ANK3: variants seen among roughly 807,000 people sequenced by gnomAD.
ANK3 encodes ankyrin-3.
ANK3 carries 57 observed loss-of-function variants against 370.9 expected under a neutral mutation model. The ratio of observed to expected loss-of-function variants is 0.15; its 90% CI spans 0.12 to 0.19. ANK3 has a LOEUF of 0.19. ANK3 is among the 10% of genes least tolerant of loss of function. The pLI, the probability that ANK3 is intolerant of heterozygous loss-of-function variation, is 1.00. For missense variants in ANK3, 4,439 were observed against 5,302.1 expected (o/e 0.84, Z 5.06); for synonymous variants, 1,929 against 1,946.3 (o/e 0.99, Z 0.23).
intron 1 of ANK3, among the ~76,000 whole-genome samples, chr10:60,656,834 T>C (rs1032603634): frequency 6.6e-6 from 1 of 152,126 alleles, no homozygotes; most frequent in African/African-American, 2.4e-5. Context: ...CATAACTCAC[T>C]GCAGCCTTGA....
intron 8 of ANK3, among the ~76,000 whole-genome samples, chr10:60,214,533 C>A (rs935498722): frequency 6.6e-6 from 1 of 152,034 alleles, no homozygotes. Context: ...CCCAACAGGC[C>A]CTGGTGTGTG....
chr10:60,552,971 C>T (rs1251229424), intron 2 of ANK3, among the ~76,000 whole-genome samples: 1 of 152,210 alleles, frequency 6.6e-6, no homozygotes, highest in East Asian at 1.9e-4. Flanking sequence ...CTTGCTCCTC[C>T]TTGCCTTCCA....
At chr10:60,347,808 C>G (rs1025566504) in intron 1 of ANK3, among the ~76,000 whole-genome samples, 1 of 152,236 alleles carries the variant, frequency 6.6e-6, no homozygotes, top group African/African-American at 2.4e-5. Flanking sequence ...GGACTCACCC[C>G]CTGAGAATTT....
rs368607611 is a variant in ANK3, at chr10:60,068,920, A to C, written c.11961T>G (p.Ser3987Arg). The C allele has an allele frequency of 6.2e-7, 1 of 1,614,024 alleles. No homozygotes were observed. Among genetic ancestry groups the C allele is most frequent in the Admixed American group, 1.7e-5 (1 of 59,986 alleles). Reference sequence around the variant, plus strand: ...AATGTTTACATACTTCCTTGAGCTGACTTTTCCTAACTTTAACTGTGCAGC... The same window carrying C: ...AATGTTTACATACTTCCTTGAGCTGCCTTTTCCTAACTTTAACTGTGCAGC... ...TTSCTVKVRK[S>R]QLKEVCKHSI... is the part of the protein sequence containing the mutation. Residue 3987 changes from serine (S) to arginine (R), a missense_variant, in exon 37 of 44, where the codon AGT becomes AGG. Around this residue, in one of 13 missense-constraint regions of ANK3, gnomAD observed 496 missense variants for 529.3 expected, o/e 0.94. Transcript: ENST00000280772.
At chr10:60,614,897 G>A (rs997957891) in intron 2 of ANK3, among the ~76,000 whole-genome samples, 1 of 152,114 alleles carries the variant, frequency 6.6e-6, no homozygotes, top group African/African-American at 2.4e-5. Context: ...ATTAAATCAA[G>A]CCTCAAATGC....
Position 60,068,887 on chromosome 10 carries a change from T to G in ANK3, c.11994A>C (p.Glu3998Asp). 1 of 1,614,174 alleles carries G rather than the reference T, an allele frequency of 6.2e-7. No homozygotes were observed. The highest frequency in any genetic ancestry group is 8.5e-7 in the Non-Finnish European group (1 of 1,180,024). Residue 3998 changes from glutamate (E) to aspartate (D), a missense_variant, in exon 37 of 44, where the codon GAA becomes GAC. By Grantham distance (45) the Glu-to-Asp change is conservative (BLOSUM62 2). Around this residue, in one of 13 missense-constraint regions of ANK3, gnomAD observed 496 missense variants for 529.3 expected, o/e 0.94. Coordinates refer to ENST00000280772, the MANE Select transcript of ANK3 (RefSeq NM_020987.5). Reference sequence around the variant, plus strand: ...TCTCACCACTAATTCCCTTAAAATATTCAATGGAATGTTTACATACTTCCT... The same window carrying G: ...TCTCACCACTAATTCCCTTAAAATAGTCAATGGAATGTTTACATACTTCCT... The part of the protein sequence containing the change: ...QLKEVCKHSI[E>D]YFKGISGETL...
intron 1 of ANK3, among the ~76,000 whole-genome samples, chr10:60,328,639 A>G (rs920297680): frequency 2.6e-5 from 4 of 152,232 alleles, no homozygotes; most frequent in African/African-American, 7.2e-5. Flanking sequence ...AAATTGAGGC[A>G]GTAATTAATA....
intron 2 of ANK3, among the ~76,000 whole-genome samples, chr10:60,435,959 C>T (rs112028820): frequency 2.0e-5 from 3 of 152,104 alleles, no homozygotes; most frequent in African/African-American, 4.8e-5. Flanking sequence ...CAGTGGCAGG[C>T]GCCTGTAGTC....
At chr10:60,658,158 C>T (rs1418512004) in intron 1 of ANK3, among the ~76,000 whole-genome samples, 3 of 151,586 alleles carry the variant, frequency 2.0e-5, no homozygotes, top group African/African-American at 7.3e-5. Context: ...TGACAATCTG[C>T]CTTTTCATTG....
In ANK3 at chr10:60,064,208, T is replaced by C; in HGVS notation, c.12400A>G (p.Ser4134Gly). 1 of 1,581,446 alleles carries C rather than the reference T, an allele frequency of 6.3e-7. No individual in the cohort carries two copies. The highest frequency in any genetic ancestry group is 8.5e-7 in the Non-Finnish European group (1 of 1,171,242). Residue 4134 changes from serine (S) to glycine (G), a missense_variant, in exon 39 of 44, where the codon AGC (serine) becomes GGC (glycine). Coordinates refer to ENST00000280772, the MANE Select transcript of ANK3 (RefSeq NM_020987.5). ...ACCCATTTTTTTAATAACATGAAGC[T>C]CTGAGAAATTAAAGAATTTGGATTT... is the stretch of plus-strand genomic sequence containing the variant. ...VENPNSLISQ[S>G]FMLLKKWVTR...
intron 2 of ANK3, among the ~76,000 whole-genome samples, chr10:60,506,440 G>T (rs2075944074): frequency 6.6e-6 from 1 of 151,882 alleles, no homozygotes; most frequent in Non-Finnish European, 1.5e-5. Context: ...CAAAGTTTGG[G>T]GACTCAAAAA....
chr10:60,257,735 G>A (rs879763327), intron 7 of ANK3, among the ~76,000 whole-genome samples: 22 of 151,846 alleles, frequency 1.4e-4, no homozygotes, highest in African/African-American at 4.8e-4. Context: ...TTTTGGTTCC[G>A]CCCTTCACGT....
chr10:60,684,607 A>C, intron 1 of ANK3: 2 of 1,589,808 alleles, frequency 1.3e-6, no homozygotes, highest in Non-Finnish European at 1.7e-6. Flanking sequence ...TGGAAAGACA[A>C]CTGTCTTATA....
chr10:60,202,198 C>T (rs778861923), intron 12 of ANK3, among the ~76,000 whole-genome samples: 37 of 151,876 alleles, frequency 2.4e-4, no homozygotes, highest in African/African-American at 8.4e-4. Context: ...CTCAGCTCAC[C>T]GCAACCTCCG....
chr10:60,292,497 G>A lies in ANK3; in HGVS notation c.115-12858C>T, dbSNP rs905880360. On this transcript the variant is annotated intron_variant, in intron 1 of 43. Coordinates refer to ENST00000280772, the MANE Select transcript of ANK3 (RefSeq NM_020987.5). ...AAGGAAGATTTAGTCCTTTGGAAAA[G>A]TGTAATCATGTTTATTTCAGGGAAT... Among the ~76,000 whole-genome samples the A allele has an allele frequency of 3.3e-5, 5 of 152,036 alleles. No homozygotes were observed. In the East Asian group the frequency reaches 7.7e-4, roughly 23 times the overall value.
chr10:60,707,108 A>G (rs980547601), intron 1 of ANK3, among the ~76,000 whole-genome samples: 1 of 152,140 alleles, frequency 6.6e-6, no homozygotes, highest in African/African-American at 2.4e-5. Context: ...TTTGCCAAAA[A>G]ATAATTTTTA....
chr10:60,662,327 T>A (rs1041550483), intron 1 of ANK3, among the ~76,000 whole-genome samples: 5 of 152,104 alleles, frequency 3.3e-5, no homozygotes, highest in African/African-American at 1.2e-4. Flanking sequence ...ATATTTTTGT[T>A]AAGTACTAAA....
chr10:60,424,716 GC>G (rs2063844642), intron 2 of ANK3, among the ~76,000 whole-genome samples: 3 of 152,012 alleles, frequency 2.0e-5, no homozygotes. Flanking sequence ...ATAGTGAGTT[GC>G]TCTGAAAATG....
chr10:60,225,896 T>A (rs890180981), intron 8 of ANK3, among the ~76,000 whole-genome samples: 15 of 151,292 alleles, frequency 9.9e-5, no homozygotes, highest in African/African-American at 3.4e-4. Context: ...TGTCTTCTGA[T>A]TTTTTTAGTT....
Sources: allele counts gnomAD v4.1 joint callset (sites outside exome capture counted in the v4.1 genomes callset), GRCh38; gene constraint gnomAD v4.1.1; regional missense constraint gnomAD v4.1.1; transcripts MANE v1.5; gene names NCBI Gene and HGNC (gene_info 2026-07-23, HGNC 2026-07-21).